The following APBA1 variants were observed in gnomAD, a reference collection of about 807,000 sequenced individuals.
APBA1 encodes the protein amyloid-beta A4 precursor protein-binding family A member 1.
APBA1 carries 55 observed loss-of-function variants against 86.6 expected under a neutral mutation model. The ratio of observed to expected loss-of-function variants is 0.64; its 90% confidence interval spans 0.51 to 0.80. The LOEUF (loss-of-function observed/expected upper bound fraction) is 0.80, where lower values mean the gene tolerates loss of function less well. Among genes scored for constraint, APBA1 ranks in the 30% least tolerant of loss-of-function variants. The pLI, the probability that APBA1 is intolerant of heterozygous loss-of-function variation, is 0.00. For missense variants in APBA1, 1,090 were observed against 1,183.0 expected, an observed-to-expected ratio of 0.92 and a Z score of 1.15; for synonymous variants, 511 against 493.9, an observed-to-expected ratio of 1.03 and a Z score of -0.46.
At chr9:69,506,349 G>A (rs1224125586) in intron 2 of APBA1, among the ~76,000 whole-genome samples, 14 of 144,086 alleles carry the variant, frequency 9.7e-5, no homozygotes, top group South Asian at 2.3e-4. Flanking sequence ...CGAATATTGC[G>A]CTTTTCGGAC....
Position 69,452,278 on chromosome 9 carries a change from G to A in APBA1, c.1812C>T (p.Ile604=), listed in dbSNP as rs371740590. The A allele has an allele frequency of 3.3e-5, 54 of 1,614,078 alleles. No homozygotes were observed. The highest frequency in any genetic ancestry group is 5.0e-5 in the Admixed American group (3 of 60,008). The change falls in exon 9 of 13, where the codon ATC becomes ATT. Residue 604 remains isoleucine (I), a synonymous_variant. Transcript: ENST00000265381. ...SEDAQLIAQS[I]GQAFSVAYQE... ...GGTATGCCACGCTAAATGCCTGTCC[G>A]ATGGACTGTGCAATCAGCTGAGCCT...
At chr9:69,664,360 A>C (rs1259554715) in intron 1 of APBA1, among the ~76,000 whole-genome samples, 1 of 152,198 alleles carries the variant, frequency 6.6e-6, no homozygotes, top group Non-Finnish European at 1.5e-5. Flanking sequence ...TTTAGGAAGA[A>C]AGGATAAAAC....
intron 2 of APBA1, among the ~76,000 whole-genome samples, chr9:69,491,155 C>T (rs1209996695): frequency 2.6e-5 from 4 of 152,128 alleles, no homozygotes; most frequent in East Asian, 3.9e-4. Flanking sequence ...CACATGCACA[C>T]GTATGTTTAT....
chr9:69,456,256 C>G lies in APBA1; in HGVS notation c.1779G>C (p.Glu593Asp), dbSNP rs774287316. The G allele has an allele frequency of 6.2e-7, 1 of 1,614,214 alleles. No homozygotes were observed. The highest frequency in any genetic ancestry group is 8.5e-7 in the Non-Finnish European group (1 of 1,180,040). Residue 593 changes from glutamate to aspartate, a missense_variant, in exon 8 of 13, where the codon GAG becomes GAC. Transcript: ENST00000265381. ...RQYKMICHVF[E>D]SEDAQLIAQS... Reference sequence around the variant, plus strand: ...AGGAAGCAACCCTTACATCCTCAGACTCGAAGACGTGGCAGATCATCTTGT... The same window carrying G: ...AGGAAGCAACCCTTACATCCTCAGAGTCGAAGACGTGGCAGATCATCTTGT...
intron 10 of APBA1, among the ~76,000 whole-genome samples, chr9:69,446,833 G>A (rs1343097408): frequency 6.6e-6 from 1 of 152,204 alleles, no homozygotes; most frequent in African/African-American, 2.4e-5. Flanking sequence ...TCCAGGCCAT[G>A]AGCTGGAGTC....
chr9:69,668,975 C>CA (rs1158978236), intron 1 of APBA1, among the ~76,000 whole-genome samples: 2 of 152,192 alleles, frequency 1.3e-5, no homozygotes, highest in East Asian at 3.8e-4. Flanking sequence ...AGCACTTAAT[C>CA]ATTTTTCACT....
intron 1 of APBA1, among the ~76,000 whole-genome samples, chr9:69,525,032 C>G (rs1371389980): frequency 3.9e-5 from 6 of 152,170 alleles, no homozygotes; most frequent in Admixed American, 3.9e-4. Flanking sequence ...ATCCAACATC[C>G]CTTCATGATA....
rs149776361 is a variant in APBA1 at position 69,660,832 on chromosome 9, G to T, written c.-70+11321C>A. ...AGTGTTAAGGGAGATGAAAAAATGAGTGTGTGGGTGGGTGCATATTTTGAA... is the reference window on the plus strand; with the variant it reads ...AGTGTTAAGGGAGATGAAAAAATGATTGTGTGGGTGGGTGCATATTTTGAA... On this transcript the variant is annotated intron_variant, in intron 1 of 12. Transcript: ENST00000265381. Among the ~76,000 whole-genome samples the T allele has an allele frequency of 7.2e-5, 11 of 152,254 alleles. No homozygotes were observed. In the East Asian group the frequency reaches 2.1e-3, roughly 29 times the overall value.
intron 1 of APBA1, among the ~76,000 whole-genome samples, chr9:69,629,704 T>C (rs764292613): frequency 1.3e-5 from 2 of 152,200 alleles, no homozygotes; most frequent in Non-Finnish European, 2.9e-5. Context: ...ACATATTCAT[T>C]GAGCACTGCT....
At chr9:69,529,241 T>G (rs4323532) in intron 1 of APBA1, among the ~76,000 whole-genome samples, 25,205 of 152,016 alleles carry the variant, frequency 0.17, 2,958 homozygotes, top group African/African-American at 0.32. Flanking sequence ...ACTAAATGAT[T>G]AAAAGCAGCC....
intron 1 of APBA1, among the ~76,000 whole-genome samples, chr9:69,592,322 A>C (rs1167295021): frequency 1.3e-5 from 2 of 152,202 alleles, no homozygotes; most frequent in Non-Finnish European, 2.9e-5. Flanking sequence ...ACCAGACAGA[A>C]GCAGTGGCTC....
At chr9:69,585,930 A>C (rs1822010573) in intron 1 of APBA1, among the ~76,000 whole-genome samples, 1 of 152,090 alleles carries the variant, frequency 6.6e-6, no homozygotes, top group Non-Finnish European at 1.5e-5. Flanking sequence ...ACCTGCTGGC[A>C]ACCTGTCCTG....
chr9:69,440,518 A>C (rs1834799589), intron 11 of APBA1, among the ~76,000 whole-genome samples: 1 of 151,932 alleles, frequency 6.6e-6, no homozygotes, highest in Non-Finnish European at 1.5e-5. Flanking sequence ...GCCACCTTGC[A>C]GTTTGATCTC....
chr9:69,543,675 GA>G (rs1038469796), intron 1 of APBA1, among the ~76,000 whole-genome samples: 12 of 152,176 alleles, frequency 7.9e-5, no homozygotes, highest in African/African-American at 2.9e-4. Flanking sequence ...TCAATTTAAG[GA>G]GGAGGAAACC....
At chr9:69,623,881 C>T (rs1822876681) in intron 1 of APBA1, among the ~76,000 whole-genome samples, 1 of 152,138 alleles carries the variant, frequency 6.6e-6, no homozygotes, top group Non-Finnish European at 1.5e-5. Flanking sequence ...TCTAATTCTC[C>T]CTTTGTGTGT....
intron 1 of APBA1, among the ~76,000 whole-genome samples, chr9:69,549,352 G>C (rs534508824): frequency 6.6e-6 from 1 of 152,260 alleles, no homozygotes; most frequent in African/African-American, 2.4e-5. Flanking sequence ...GACACTATAG[G>C]TGCTTAGAAC....
Position 69,427,542 on chromosome 9 carries a change from A to G in APBA1, c.*3785T>C, listed in dbSNP as rs1564023446. ...GACACTTGGCCAGGCCAAGAGGTGA[A>G]GTTCTTGTTTATTGTTGCAGCAACT... On this transcript the variant is annotated 3_prime_UTR_variant, in exon 13 of 13. Transcript: ENST00000265381. The G allele has an allele frequency of 6.6e-6, 1 of 152,198 alleles. No homozygotes were observed. The highest frequency in any genetic ancestry group is 1.5e-5 in the Non-Finnish European group (1 of 68,028). The allele number at this position is 152,198 out of a possible 1,614,324, so 9.4% of individuals were successfully genotyped here.
chr9:69,613,400 C>T (rs556890787), intron 1 of APBA1, among the ~76,000 whole-genome samples: 7 of 152,072 alleles, frequency 4.6e-5, no homozygotes, highest in South Asian at 4.1e-4. Context: ...GCCGGAAATG[C>T]TATCTTCTTC....
At chr9:69,541,898 T>A (rs1314465391) in intron 1 of APBA1, among the ~76,000 whole-genome samples, 1 of 152,174 alleles carries the variant, frequency 6.6e-6, no homozygotes, top group Non-Finnish European at 1.5e-5. Flanking sequence ...ATGTTATTTT[T>A]AATTTTCTTT....
Sources: allele counts gnomAD v4.1 joint callset (sites outside exome capture counted in the v4.1 genomes callset), GRCh38; gene constraint gnomAD v4.1.1; transcripts MANE v1.5; gene names NCBI Gene and HGNC (gene_info 2026-07-23, HGNC 2026-07-21).